The following GPC3 variants were observed in gnomAD, a reference collection of about 807,000 sequenced individuals.
GPC3 encodes the protein glypican-3.
A neutral mutation model predicts 34.4 loss-of-function variants in GPC3; 3 were observed. That is an observed-to-expected ratio of 0.09 (90% CI 0.04 to 0.23). The LOEUF (loss-of-function observed/expected upper bound fraction) is 0.23, where lower values mean the gene tolerates loss of function less well. Ranked by LOEUF, GPC3 falls within the 10% of genes least tolerant of loss-of-function variation. The pLI, the probability that GPC3 is intolerant of heterozygous loss-of-function variation, is 1.00. For missense variants in GPC3, 351 were observed against 445.6 expected, an observed-to-expected ratio of 0.79 and a Z score of 1.91; for synonymous variants, 177 against 174.0, an observed-to-expected ratio of 1.02 and a Z score of -0.13.
chrX:133,722,152 A>G (rs928886552), intron 3 of GPC3, among the ~76,000 whole-genome samples: 3 of 111,760 alleles, frequency 2.7e-5, no homozygotes, highest in Non-Finnish European at 5.6e-5. Flanking sequence ...TCTGTAACTT[A>G]TCTGATATTG....
Position 133,779,076 on chromosome X carries a change from T to A in GPC3, c.338-24900A>T, listed in dbSNP as rs1311747936. Among the ~76,000 whole-genome samples, 4 of 111,974 alleles carry A rather than the reference T, an allele frequency of 3.6e-5. 1 individual carries two copies. The highest frequency in any genetic ancestry group is 1.3e-4 in the African/African-American group (4 of 30,796). ...ACAATTACTAAGGAGGCTAAGTGAC[T>A]TGCTTGAAGTTATTAAGTTAATTCC... On this transcript the variant is annotated intron_variant, in intron 2 of 7. Coordinates refer to ENST00000370818, the MANE Select transcript of GPC3 (RefSeq NM_004484.4).
At chrX:133,757,256 G>C (rs1013537431) in intron 2 of GPC3, among the ~76,000 whole-genome samples, 4 of 111,536 alleles carry the variant, frequency 3.6e-5, no homozygotes, top group African/African-American at 9.8e-5. Context: ...ATATAGCAAG[G>C]TTTCTAGATA....
At chrX:133,712,910 A>G (rs978985513) in intron 3 of GPC3, among the ~76,000 whole-genome samples, 1 of 111,234 alleles carries the variant, frequency 9.0e-6, no homozygotes, top group African/African-American at 3.3e-5. Flanking sequence ...TAAAAAATAA[A>G]CCCCTGTAGA....
rs113115994 is a variant in GPC3, at chrX:133,545,432, T to C, written c.1574-9139A>G. Among the ~76,000 whole-genome samples the C allele has an allele frequency of 4.7e-3, 517 of 110,157 alleles. 6 individuals are homozygous for C. Among genetic ancestry groups the C allele is most frequent in the African/African-American group, 0.016 (490 of 30,195 alleles). On this transcript the variant is annotated intron_variant, in intron 7 of 7. Coordinates refer to ENST00000370818, the MANE Select transcript of GPC3 (RefSeq NM_004484.4). ...GGTTGCTGAGGTGGGAGGCCAGGAG[T>C]TCAAGACTGTAGTGCACTATGATTA...
At position 133,855,394 on chromosome X, in the gene GPC3, G is replaced by A. The variant is rs189997375; in HGVS notation, c.337+97656C>T. ...TTGTCCAGGCTGCTCTTGCACTCCT[G>A]AGCTCAAGCGATCCGCCCACCTCAG... On this transcript the variant is annotated intron_variant, in intron 2 of 7. Transcript: ENST00000370818. 3.6e-5 allele frequency among the ~76,000 whole-genome samples: 4 copies of A among 109,819 alleles called. No homozygotes were observed. In the East Asian group the frequency reaches 1.1e-3, roughly 32 times the overall value.
At chrX:133,889,910 G>A (rs377672222) in intron 2 of GPC3, among the ~76,000 whole-genome samples, 16 of 94,222 alleles carry the variant, frequency 1.7e-4, no homozygotes, top group African/African-American at 6.1e-4. Flanking sequence ...ATCTCAACTC[G>A]CTACAAACTC....
intron 2 of GPC3, among the ~76,000 whole-genome samples, chrX:133,859,203 C>T (rs780597524): frequency 9.0e-6 from 1 of 111,147 alleles, no homozygotes; most frequent in South Asian, 3.9e-4. Context: ...TCTGTCTGAC[C>T]CACCAGTTCC....
chrX:133,803,894 G>T (rs1389779787), intron 2 of GPC3, among the ~76,000 whole-genome samples: 3 of 109,591 alleles, frequency 2.7e-5, no homozygotes, highest in Non-Finnish European at 5.7e-5. Context: ...AATTAGCCCA[G>T]CACTCTGAAT....
rs182545676 is a variant in GPC3 at position 133,816,411 on chromosome X, G to A, written c.338-62235C>T. On this transcript the variant is annotated intron_variant, in intron 2 of 7. Coordinates refer to ENST00000370818, the MANE Select transcript of GPC3 (RefSeq NM_004484.4). ...ACTTGTTCTTGATGGCTTGTTCTTC[G>A]TCTCATTCAACCAACTTCATTAATC... Among the ~76,000 whole-genome samples, 406 of 111,269 alleles carry A rather than the reference G, an allele frequency of 3.6e-3. 2 individuals are homozygous for A. Among genetic ancestry groups the A allele is most frequent in the Non-Finnish European group, 6.4e-3 (340 of 53,050 alleles).
chrX:133,794,191 T>C (rs2075564854), intron 2 of GPC3, among the ~76,000 whole-genome samples: 1 of 112,305 alleles, frequency 8.9e-6, no homozygotes, highest in Admixed American at 9.5e-5. Flanking sequence ...TCAGTTCACC[T>C]GGTCCAGGGT....
intron 3 of GPC3, among the ~76,000 whole-genome samples, chrX:133,711,657 C>T (rs749101194): frequency 8.9e-5 from 10 of 112,050 alleles, no homozygotes; most frequent in Middle Eastern, 4.6e-3. Flanking sequence ...CATAATAATA[C>T]TAAGACTTTA....
chrX:133,880,664 G>A (rs780917837), intron 2 of GPC3, among the ~76,000 whole-genome samples: 3 of 111,850 alleles, frequency 2.7e-5, no homozygotes, highest in Admixed American at 9.5e-5. Context: ...GTTTCTCCAG[G>A]AAATTGTGAA....
chrX:133,676,113 A>T (rs1231920607), intron 5 of GPC3, among the ~76,000 whole-genome samples: 1 of 112,312 alleles, frequency 8.9e-6, no homozygotes, highest in Non-Finnish European at 1.9e-5. Context: ...CACAAAATCC[A>T]GAGTGCTGGT....
At chrX:133,917,320 G>A (rs774741115) in intron 2 of GPC3, among the ~76,000 whole-genome samples, 1 of 112,010 alleles carries the variant, frequency 8.9e-6, no homozygotes, top group African/African-American at 3.2e-5. Flanking sequence ...AAACAATGGA[G>A]GCAGGCAAAT....
At chrX:133,750,324 TAGAGTA>T (rs200994454) in intron 3 of GPC3, among the ~76,000 whole-genome samples, 2,845 of 112,479 alleles carry the variant, frequency 0.025, 90 homozygotes, top group African/African-American at 0.086. Context: ...ATGGAGCTCT[TAGAGTA>T]AAAGTCTAGG....
chrX:133,698,231 T>A (rs2071134354), intron 4 of GPC3, among the ~76,000 whole-genome samples: 1 of 112,119 alleles, frequency 8.9e-6, no homozygotes, highest in Admixed American at 9.5e-5. Context: ...GCCAAAAATA[T>A]GAAAGCTAGA....
intron 7 of GPC3, among the ~76,000 whole-genome samples, chrX:133,539,697 T>G (rs1484628327): frequency 8.9e-6 from 1 of 112,275 alleles, no homozygotes; most frequent in African/African-American, 3.2e-5. Context: ...GCAGGTTTCC[T>G]GAGGCTCTTC....
chrX:133,545,849 T>C (rs183459105), intron 7 of GPC3, among the ~76,000 whole-genome samples: 1 of 111,159 alleles, frequency 9.0e-6, no homozygotes, highest in East Asian at 2.8e-4. Flanking sequence ...AGAACCTAAG[T>C]GTCCATCAAC....
chrX:133,927,314 A>G (rs2076279683), intron 2 of GPC3, among the ~76,000 whole-genome samples: 1 of 110,122 alleles, frequency 9.1e-6, no homozygotes, highest in East Asian at 2.8e-4. Context: ...ATATGGTATG[A>G]CCCCATTTAT....
Sources: gnomAD v4.1 joint callset for allele counts (sites outside exome capture counted in the v4.1 genomes callset) on GRCh38, gnomAD v4.1.1 for gene constraint, MANE v1.5 for transcripts, NCBI Gene and HGNC (gene_info 2026-07-23, HGNC 2026-07-21) for gene names.